LGALS8: variants seen among roughly 807,000 people sequenced by gnomAD.
The protein encoded by LGALS8 is galectin-8.
In LGALS8, 30 loss-of-function variants were observed where a neutral mutation model predicts 35.9. The ratio of observed to expected loss-of-function variants is 0.83; its 90% CI spans 0.62 to 1.13. LGALS8 has a LOEUF of 1.13. Among genes scored for constraint, LGALS8 ranks in the 50% most tolerant of loss-of-function variants. The probability of loss-of-function intolerance (pLI) is 0.00; values close to 1 mark genes in which losing one functional copy is unlikely to be tolerated. For synonymous variants in LGALS8, 138 were observed against 136.1 expected (o/e 1.01, Z -0.10); for missense variants, 366 against 388.7 (o/e 0.94, Z 0.49).
Position 236,548,785 on chromosome 1 carries a change from G to GTAAT in LGALS8, c.*625_*628dup. The stretch of plus-strand genomic sequence containing the variant: ...GTTGACTGACATCATTTTCTTTATC[G>GTAAT]TAATAAACATGTGGCTCTATTAGCT... On this transcript the variant is annotated 3_prime_UTR_variant, in exon 10 of 10. Coordinates refer to ENST00000366584, the MANE Select transcript of LGALS8 (RefSeq NM_201544.4). The GTAAT allele has an allele frequency of 2.5e-6, 1 of 394,622 alleles. No homozygotes were observed. Among genetic ancestry groups the GTAAT allele is most frequent in the East Asian group, 3.6e-5 (1 of 27,890 alleles). 24.4% of individuals were successfully genotyped at this position (394,622 alleles called of 1,614,324 possible).
intron 2 of LGALS8, among the ~76,000 whole-genome samples, chr1:236,532,396 A>C (rs538323266): frequency 6.6e-6 from 1 of 152,040 alleles, no homozygotes; most frequent in South Asian, 2.1e-4. Context: ...TATCTTTACA[A>C]ATGATCTTTA....
Position 236,552,184 on chromosome 1 carries a change from G to A in LGALS8, c.*4023G>A, listed in dbSNP as rs1572028629. On this transcript the variant is annotated 3_prime_UTR_variant, in exon 10 of 10. Coordinates refer to ENST00000366584, the MANE Select transcript of LGALS8 (RefSeq NM_201544.4). ...TATCTTAAGAGCTGTACTGACTTGAGACAAGCTCTAACTTTTTAAACATTA... is the reference window on the plus strand; with the variant it reads ...TATCTTAAGAGCTGTACTGACTTGAAACAAGCTCTAACTTTTTAAACATTA... 2 of 926,918 alleles carry A rather than the reference G, an allele frequency of 2.2e-6. No individual in the cohort carries two copies. The highest frequency in any genetic ancestry group is 4.9e-5 in the East Asian group (2 of 40,712). 57.4% of individuals were successfully genotyped at this position (926,918 alleles called of 1,614,324 possible). A position where few individuals can be genotyped will look rare whatever the true frequency, so the allele number is the denominator to read the frequency against.
At chr1:236,528,399 C>CA (rs989316385) in intron 2 of LGALS8, among the ~76,000 whole-genome samples, 1 of 150,390 alleles carries the variant, frequency 6.6e-6, no homozygotes, top group Non-Finnish European at 1.5e-5. Flanking sequence ...AAAAAACCCC[C>CA]CCACACACAA....
intron 4 of LGALS8, among the ~76,000 whole-genome samples, chr1:236,539,498 C>T (rs993093930): frequency 1.7e-5 from 2 of 117,812 alleles, no homozygotes; most frequent in South Asian, 5.1e-4. Context: ...CAAGACAGTT[C>T]CGTAGGATCA....
In LGALS8 at chr1:236,550,667, G is replaced by T; in HGVS notation, c.*2506G>T. 2.2e-6 allele frequency: 1 copy of T among 454,460 alleles called. No individual in the cohort carries two copies. The highest frequency in any genetic ancestry group is 2.0e-5 in the African/African-American group (1 of 50,238). The allele number at this position is 454,460 out of a possible 1,614,324, so 28.2% of individuals were successfully genotyped here. A position where few individuals can be genotyped will look rare whatever the true frequency, so the allele number is the denominator to read the frequency against. On this transcript the variant is annotated 3_prime_UTR_variant, in exon 10 of 10. Transcript: ENST00000366584. ...AATGTTTAAACAAACACAGCAGTCTGTATAAAAATACCGTGTATCATTTAC... is the reference window on the plus strand; with the variant it reads ...AATGTTTAAACAAACACAGCAGTCTTTATAAAAATACCGTGTATCATTTAC...
At chr1:236,539,876 C>T (rs1317519434) in intron 4 of LGALS8, among the ~76,000 whole-genome samples, 1 of 152,152 alleles carries the variant, frequency 6.6e-6, no homozygotes, top group African/African-American at 2.4e-5. Context: ...TATTTTGCCT[C>T]CACAATGGGA....
rs991772529 is a variant in LGALS8 at position 236,526,715 on chromosome 1, A to C, written c.45+600A>C. Among the ~76,000 whole-genome samples, 1 of 152,146 alleles carries C rather than the reference A, an allele frequency of 6.6e-6. No homozygotes were observed. Among genetic ancestry groups the C allele is most frequent in the Non-Finnish European group, 1.5e-5 (1 of 68,036 alleles). On this transcript the variant is annotated intron_variant, in intron 2 of 9. Transcript: ENST00000366584. The surrounding 1 kb of genome is among the most constrained non-coding windows in gnomAD (Gnocchi z 4.6). Reference sequence around the variant, plus strand: ...TTATGTGGTGGTGAGAATCTTTAGGAATGTCTAGTTTCCACGTATCTGAAG... The same window carrying C: ...TTATGTGGTGGTGAGAATCTTTAGGCATGTCTAGTTTCCACGTATCTGAAG...
At chr1:236,537,721 G>A in intron 3 of LGALS8, 136 bp downstream of exon 3, 2 of 689,568 alleles carry the variant, frequency 2.9e-6, no homozygotes, top group Non-Finnish European at 5.2e-6. Flanking sequence ...CCTGGCCAAG[G>A]TGCTGAGGAG....
rs761992655 is a variant in LGALS8 at position 236,552,103 on chromosome 1, C to T, written c.*3942C>T. On this transcript the variant is annotated 3_prime_UTR_variant, in exon 10 of 10. Coordinates refer to ENST00000366584, the MANE Select transcript of LGALS8 (RefSeq NM_201544.4). ...TAACACAGTAATCAAAGCAGCAAAT[C>T]GAACCTGAAAGGGATAAAAGAGCAA... 16 of 1,604,692 alleles carry T rather than the reference C, an allele frequency of 1.0e-5. No homozygotes were observed. The highest frequency in any genetic ancestry group is 3.3e-5 in the Admixed American group (2 of 59,814).
chr1:236,540,799 T>C (rs888377447), intron 5 of LGALS8, 116 bp downstream of exon 5: 2 of 1,092,882 alleles, frequency 1.8e-6, no homozygotes, highest in East Asian at 2.6e-5. Flanking sequence ...TCCCTGACTG[T>C]AGTATTAATT....
rs367596904 is a variant in LGALS8 at position 236,542,733 on chromosome 1, T to C, written c.523-28T>C. ...AACTATAATTCTTCCCCTTCTAACATTGTTGTGTTTTGTTTCTTTTCCAAT... is the reference window on the plus strand; with the variant it reads ...AACTATAATTCTTCCCCTTCTAACACTGTTGTGTTTTGTTTCTTTTCCAAT... On this transcript the variant is annotated intron_variant, in intron 6 of 9. Coordinates refer to ENST00000366584, the MANE Select transcript of LGALS8 (RefSeq NM_201544.4). The C allele has an allele frequency of 5.5e-5, 88 of 1,608,254 alleles. No homozygotes were observed. In the South Asian group the frequency reaches 7.4e-4, roughly 13 times the overall value.
Position 236,526,115 on chromosome 1 carries a change from G to A in LGALS8, c.45G>A (p.Pro15=), listed in dbSNP as rs767741802. ...ACCTACAGAATATCATCTATAACCC[G>A]GTAACTGATTTCTATAAGATAACTT... ...LNNLQNIIYN[P]VIPFVGTIPD... The change falls in exon 2 of 10, where the codon CCG becomes CCA. Residue 15 remains proline (P), a splice_region_variant and synonymous_variant. Coordinates refer to ENST00000366584, the MANE Select transcript of LGALS8 (RefSeq NM_201544.4). The surrounding 1 kb of genome is among the most constrained non-coding windows in gnomAD (Gnocchi z 4.6). 34 of 1,601,094 alleles carry A rather than the reference G, an allele frequency of 2.1e-5. No homozygotes were observed. The highest frequency in any genetic ancestry group is 1.7e-4 in the Admixed American group (10 of 59,914).
intron 9 of LGALS8, 54 bp downstream of exon 9, chr1:236,544,969 G>T (rs1662273247): frequency 2.2e-6 from 3 of 1,354,592 alleles, no homozygotes; most frequent in Non-Finnish European, 3.1e-6. Context: ...GGGAGCAGGG[G>T]TGGGATAAGT....
chr1:236,542,635 A>G, intron 6 of LGALS8, 126 bp from the exon 7 acceptor site: 1 of 945,818 alleles, frequency 1.1e-6, no homozygotes, highest in East Asian at 2.4e-5. Flanking sequence ...CCTGGAGGTC[A>G]CACCAGAGTG....
At chr1:236,520,334 G>GA (rs995847774), upstream of LGALS8, among the ~76,000 whole-genome samples, 1 of 143,338 alleles carries the variant, frequency 7.0e-6, no homozygotes, top group South Asian at 2.4e-4. Flanking sequence ...CAGGTCACTT[G>GA]AAAAAAAAGA....
At chr1:236,537,827 G>T (rs1232225587) in intron 3 of LGALS8, among the ~76,000 whole-genome samples, 1 of 151,744 alleles carries the variant, frequency 6.6e-6, no homozygotes, top group African/African-American at 2.4e-5. Context: ...GCTGGATGTG[G>T]TGACTTAAAC....
chr1:236,526,135 T>A lies in LGALS8; in HGVS notation c.45+20T>A. 6.4e-7 allele frequency: 1 copy of A among 1,561,288 alleles called. No homozygotes were observed. The highest frequency in any genetic ancestry group is 8.8e-7 in the Non-Finnish European group (1 of 1,132,602). On this transcript the variant is annotated intron_variant, in intron 2 of 9. Transcript: ENST00000366584. The surrounding 1 kb of genome is among the most constrained non-coding windows in gnomAD (Gnocchi z 4.6). Reference sequence around the variant, plus strand: ...AACCCGGTAACTGATTTCTATAAGATAACTTTTTACCTATGCCAGGACAGA... The same window carrying A: ...AACCCGGTAACTGATTTCTATAAGAAAACTTTTTACCTATGCCAGGACAGA...
In LGALS8 at chr1:236,549,292, CTAT is replaced by C. The variant is rs766109630; in HGVS notation, c.*1136_*1138del. 2.0e-5 allele frequency: 5 copies of C among 255,164 alleles called. No homozygotes were observed. The highest frequency in any genetic ancestry group is 5.5e-5 in the Admixed American group (1 of 18,342). The allele number at this position is 255,164 out of a possible 1,614,324, so 15.8% of individuals were successfully genotyped here. A position where few individuals can be genotyped will look rare whatever the true frequency, so the allele number is the denominator to read the frequency against. Reference sequence around the variant, plus strand: ...AAATGGTTCCATTTCTGTGATTTTTCTATTATTTGAGGGGAGTTGGCAGAAGTT... The same window carrying C: ...AAATGGTTCCATTTCTGTGATTTTTCTATTTGAGGGGAGTTGGCAGAAGTT... On this transcript the variant is annotated 3_prime_UTR_variant, in exon 10 of 10. Transcript: ENST00000366584.
chr1:236,539,623 G>GCT (rs34070242), intron 4 of LGALS8, among the ~76,000 whole-genome samples: 92,651 of 151,730 alleles, frequency 0.61, 29,192 homozygotes, highest in Non-Finnish European at 0.69. Flanking sequence ...GGTCCCAGAA[G>GCT]CTTACACCTG....
Sources: gnomAD v4.1 joint callset for allele counts (sites outside exome capture counted in the v4.1 genomes callset) on GRCh38, gnomAD v4.1.1 for gene constraint, Gnocchi (gnomAD v3.1) non-coding constraint, MANE v1.5 for transcripts, NCBI Gene and HGNC (gene_info 2026-07-23, HGNC 2026-07-21) for gene names.